The following OSBPL1A variants were observed in gnomAD, a reference collection of about 807,000 sequenced individuals.
The protein encoded by OSBPL1A is oxysterol-binding protein-related protein 1.
A neutral mutation model predicts 137.1 loss-of-function variants in OSBPL1A; 80 were observed. The ratio of observed to expected loss-of-function variants is 0.58; its 90% CI spans 0.49 to 0.70. The LOEUF (loss-of-function observed/expected upper bound fraction) is 0.70, where lower values mean the gene tolerates loss of function less well. Ranked by LOEUF, OSBPL1A falls within the 30% of genes least tolerant of loss-of-function variation. The pLI is 0.00. For missense variants in OSBPL1A, 970 were observed against 1,129.4 expected (o/e 0.86, Z 2.02); for synonymous variants, 365 against 389.7 (o/e 0.94, Z 0.75).
intron 17 of OSBPL1A, among the ~76,000 whole-genome samples, chr18:24,221,451 AATC>A (rs1324765248): frequency 6.6e-6 from 1 of 152,240 alleles, no homozygotes; most frequent in African/African-American, 2.4e-5. Flanking sequence ...TATTCAAGCT[AATC>A]AAGTGCAAGT....
At position 24,341,572 on chromosome 18, in the gene OSBPL1A, A is replaced by T. The variant is rs1302937266; in HGVS notation, c.369T>A (p.Ala123=). The T allele has an allele frequency of 6.2e-7, 1 of 1,612,818 alleles. No individual in the cohort carries two copies. The highest frequency in any genetic ancestry group is 8.5e-7 in the Non-Finnish European group (1 of 1,179,254). The change falls in exon 5 of 28, where the codon GCT becomes GCA. Residue 123 remains alanine (A), a synonymous_variant. Coordinates refer to ENST00000319481, the MANE Select transcript of OSBPL1A (RefSeq NM_080597.4). ...SGQTAKEVTH[A]EEIRSMLEAV... The stretch of plus-strand genomic sequence containing the variant: ...CTTCAAGCATGCTTCTGATTTCTTC[A>T]GCATGAGTAACTTCTTTTGCTGTCT...
At chr18:24,260,313 G>C (rs990673505) in intron 15 of OSBPL1A, among the ~76,000 whole-genome samples, 1 of 152,006 alleles carries the variant, frequency 6.6e-6, no homozygotes, top group Admixed American at 6.6e-5. Flanking sequence ...CCTACTTTTA[G>C]GTATATACCC....
At chr18:24,175,324 T>C (rs937583040) in intron 21 of OSBPL1A, among the ~76,000 whole-genome samples, 5 of 151,304 alleles carry the variant, frequency 3.3e-5, no homozygotes, top group Non-Finnish European at 5.9e-5. Context: ...CAACTGGGAC[T>C]ATAGGTGCAT....
chr18:24,193,496 A>G (rs2086946545), intron 18 of OSBPL1A, among the ~76,000 whole-genome samples: 1 of 152,148 alleles, frequency 6.6e-6, no homozygotes, highest in South Asian at 2.1e-4. Flanking sequence ...TCAAAAAAAA[A>G]AAAAAAAAGT....
rs1159198978 is a variant in OSBPL1A, at chr18:24,162,543, C to T, written c.*636G>A. ...GAAAACTGTAAAAGTAAATTCAGAG[C>T]ACTAAGTAAATGAAATACTTTTCCA... On this transcript the variant is annotated 3_prime_UTR_variant, in exon 28 of 28. Coordinates refer to ENST00000319481, the MANE Select transcript of OSBPL1A (RefSeq NM_080597.4). 1 of 152,182 alleles carries T rather than the reference C, an allele frequency of 6.6e-6. No homozygotes were observed. The highest frequency in any genetic ancestry group is 1.5e-5 in the Non-Finnish European group (1 of 68,034). The allele number at this position is 152,182 out of a possible 1,614,324, so 9.4% of individuals were successfully genotyped here. A position where few individuals can be genotyped will look rare whatever the true frequency, so the allele number is the denominator to read the frequency against.
At chr18:24,383,338 A>C (rs1175774523) in intron 1 of OSBPL1A, among the ~76,000 whole-genome samples, 1 of 152,260 alleles carries the variant, frequency 6.6e-6, no homozygotes, top group African/African-American at 2.4e-5. Flanking sequence ...AAATGTTTGA[A>C]GTATCTTCAA....
chr18:24,370,195 T>C (rs1030859398), intron 2 of OSBPL1A, among the ~76,000 whole-genome samples: 4 of 152,210 alleles, frequency 2.6e-5, no homozygotes, highest in African/African-American at 9.7e-5. Flanking sequence ...CATTCCAGCC[T>C]GGACAACAAA....
chr18:24,233,722 C>A (rs375580048), intron 16 of OSBPL1A, among the ~76,000 whole-genome samples: 6 of 152,292 alleles, frequency 3.9e-5, no homozygotes, highest in African/African-American at 1.4e-4. Flanking sequence ...GATCTCGGCT[C>A]ACTGCAACCT....
intron 18 of OSBPL1A, chr18:24,195,904 TTTG>T (rs1197243448): frequency 1.9e-4 from 88 of 465,264 alleles, no homozygotes; most frequent in Non-Finnish European, 2.1e-4. Context: ...TCAGTTTCTG[TTTG>T]TTTTTTTTTT....
chr18:24,320,053 T>C (rs1477215613), intron 7 of OSBPL1A, among the ~76,000 whole-genome samples: 1 of 151,378 alleles, frequency 6.6e-6, no homozygotes, highest in Non-Finnish European at 1.5e-5. Flanking sequence ...ACCACTGCAC[T>C]CCAGACTGGG....
intron 15 of OSBPL1A, 47 bp downstream of exon 15, chr18:24,280,783 ACAACCACGCATG>A: frequency 8.4e-7 from 1 of 1,186,630 alleles, no homozygotes; most frequent in Non-Finnish European, 1.2e-6. Flanking sequence ...GACTTCATGG[ACAACCACGCATG>A]CAACATCCAA....
At position 24,334,255 on chromosome 18, in the gene OSBPL1A, A is replaced by G. The variant is rs2091132726; in HGVS notation, c.470T>C (p.Leu157Pro). 3 of 1,610,444 alleles carry G rather than the reference A, an allele frequency of 1.9e-6. No individual in the cohort carries two copies. In the East Asian group the frequency reaches 6.7e-5, roughly 36 times the overall value. Residue 157 changes from leucine (L) to proline (P), a missense_variant, in exon 6 of 28, where the codon CTC becomes CCC. Transcript: ENST00000319481. Reference protein sequence around the residue: ...AAAREGKTTELTALLNRPNPP... With the variant: ...AAAREGKTTEPTALLNRPNPP... The stretch of plus-strand genomic sequence containing the variant: ...TTTTGTTTGTTTTACCAGAGCTGTG[A>G]GTTCTGTTGTTTTGCCTTCTCTTGC...
chr18:24,397,045 C>T (rs1907794672), intron 1 of OSBPL1A, among the ~76,000 whole-genome samples: 1 of 152,214 alleles, frequency 6.6e-6, no homozygotes, highest in Admixed American at 6.5e-5. Flanking sequence ...CTAAAAACGA[C>T]AACTTGAACT....
intron 15 of OSBPL1A, among the ~76,000 whole-genome samples, chr18:24,264,807 C>G (rs1380648239): frequency 6.6e-6 from 1 of 152,130 alleles, no homozygotes; most frequent in Admixed American, 6.5e-5. Context: ...TATAGTTGGG[C>G]TGTTCTTTGG....
intron 1 of OSBPL1A, among the ~76,000 whole-genome samples, chr18:24,378,876 A>G (rs1906382819): frequency 6.6e-6 from 1 of 152,212 alleles, no homozygotes; most frequent in South Asian, 2.1e-4. Flanking sequence ...GGCAAACCTT[A>G]CAATGAAGTT....
At chr18:24,190,347 A>G (rs1045358943) in intron 18 of OSBPL1A, among the ~76,000 whole-genome samples, 27 of 2,724 alleles carry the variant, frequency 9.9e-3, no homozygotes, top group Non-Finnish European at 0.013. Context: ...TCTGCTACTG[A>G]AAAAAAAAAA....
intron 2 of OSBPL1A, among the ~76,000 whole-genome samples, chr18:24,369,569 G>A (rs568739229): frequency 1.3e-5 from 2 of 152,232 alleles, no homozygotes; most frequent in South Asian, 4.2e-4. Flanking sequence ...ACTGCCCTCA[G>A]CTCCTGGATT....
At chr18:24,198,148 T>C (rs2087093960) in intron 17 of OSBPL1A, among the ~76,000 whole-genome samples, 1 of 152,158 alleles carries the variant, frequency 6.6e-6, no homozygotes. Flanking sequence ...TAGAGAGTTA[T>C]GAGCTTGAAA....
chr18:24,280,301 C>T lies in OSBPL1A; in HGVS notation c.1281+541G>A, dbSNP rs569636568. Among the ~76,000 whole-genome samples, 10 of 152,234 alleles carry T rather than the reference C, an allele frequency of 6.6e-5. No individual in the cohort carries two copies. In the South Asian group the frequency reaches 1.7e-3, roughly 25 times the overall value. On this transcript the variant is annotated intron_variant, in intron 15 of 27. Coordinates refer to ENST00000319481, the MANE Select transcript of OSBPL1A (RefSeq NM_080597.4). ...TTCAGCATGTTGGACAGGCTGGTTT[C>T]GAACTCCTGACTTCAGGTGATCTGC...
Sources: gnomAD v4.1 joint callset for allele counts (sites outside exome capture counted in the v4.1 genomes callset) on GRCh38, gnomAD v4.1.1 for gene constraint, MANE v1.5 for transcripts, NCBI Gene and HGNC (gene_info 2026-07-23, HGNC 2026-07-21) for gene names.